AKT3: variants seen among roughly 807,000 people sequenced by gnomAD.
AKT3 encodes AKT serine/threonine kinase 3.
Under a neutral mutation model 65.3 loss-of-function variants are expected in AKT3, and 15 were observed. The ratio of observed to expected loss-of-function variants is 0.23; its 90% CI spans 0.15 to 0.35. The LOEUF is 0.35. Among genes scored for constraint, AKT3 ranks in the 10% least tolerant of loss-of-function variants. The pLI, the probability that AKT3 is intolerant of heterozygous loss-of-function variation, is 1.00. For missense variants in AKT3, 243 were observed against 576.5 expected, an observed-to-expected ratio of 0.42 and a Z score of 5.92; for synonymous variants, 206 against 183.8, an observed-to-expected ratio of 1.12 and a Z score of -0.98.
Position 243,503,859 on chromosome 1 carries a change from A to T in AKT3, c.*1390T>A, listed in dbSNP as rs534699374. On this transcript the variant is annotated 3_prime_UTR_variant, in exon 14 of 14. Coordinates refer to ENST00000673466, the MANE Select transcript of AKT3 (RefSeq NM_005465.7). Reference sequence around the variant, plus strand: ...TTTTGCCACGTAAAGATCATTTCTTATCTTCACTCAGGTCTCAATTTTCTT... The same window carrying T: ...TTTTGCCACGTAAAGATCATTTCTTTTCTTCACTCAGGTCTCAATTTTCTT... The T allele has an allele frequency of 1.0e-3, 232 of 229,144 alleles. 1 individual carries two copies. Among genetic ancestry groups the T allele is most frequent in the African/African-American group, 4.9e-3 (221 of 45,238 alleles). 14.2% of individuals were successfully genotyped at this position (229,144 alleles called of 1,614,324 possible).
At chr1:243,779,242 C>A (rs996623236) in intron 2 of AKT3, among the ~76,000 whole-genome samples, 6 of 152,054 alleles carry the variant, frequency 3.9e-5, no homozygotes, top group Non-Finnish European at 7.4e-5. Context: ...CCTAAGTTTA[C>A]CTATAGGATC....
chr1:243,752,180 A>C (rs1011428578), intron 2 of AKT3, among the ~76,000 whole-genome samples: 2 of 152,230 alleles, frequency 1.3e-5, no homozygotes, highest in African/African-American at 4.8e-5. Flanking sequence ...TAACTAAGAA[A>C]AAAATTTTTA....
intron 6 of AKT3, among the ~76,000 whole-genome samples, chr1:243,635,523 A>C (rs950180108): frequency 2.0e-5 from 3 of 152,006 alleles, no homozygotes; most frequent in Non-Finnish European, 4.4e-5. Flanking sequence ...CTTAACTAAG[A>C]ATAAATGTAT....
At position 243,504,009 on chromosome 1, in the gene AKT3, G is replaced by A; in HGVS notation, c.*1240C>T. ...GGGATTTTCTCATTTTCAGTACCAA[G>A]GGGTTAAATGGCAGCATCTCTTCTC... On this transcript the variant is annotated 3_prime_UTR_variant, in exon 14 of 14. Coordinates refer to ENST00000673466, the MANE Select transcript of AKT3 (RefSeq NM_005465.7). 1 of 225,158 alleles carries A rather than the reference G, an allele frequency of 4.4e-6. No individual in the cohort carries two copies. Among genetic ancestry groups the A allele is most frequent in the Non-Finnish European group, 8.9e-6 (1 of 112,644 alleles). 13.9% of individuals were successfully genotyped at this position (225,158 alleles called of 1,614,324 possible). A position where few individuals can be genotyped will look rare whatever the true frequency, so the allele number is the denominator to read the frequency against.
intron 2 of AKT3, among the ~76,000 whole-genome samples, chr1:243,818,930 C>G (rs1046634431): frequency 6.6e-6 from 1 of 152,222 alleles, no homozygotes; most frequent in African/African-American, 2.4e-5. Context: ...GAAAGGGGAG[C>G]TCCCACCCTC....
At chr1:243,539,322 TATG>T (rs1185150658) in intron 12 of AKT3, among the ~76,000 whole-genome samples, 2 of 152,160 alleles carry the variant, frequency 1.3e-5, no homozygotes, top group Non-Finnish European at 2.9e-5. Flanking sequence ...TCCTCTTCCT[TATG>T]ATTTTATTAA....
At chr1:243,817,296 T>C (rs1001364989) in intron 2 of AKT3, among the ~76,000 whole-genome samples, 2 of 152,132 alleles carry the variant, frequency 1.3e-5, no homozygotes, top group African/African-American at 2.4e-5. Flanking sequence ...TTTAAGGCAA[T>C]AAACATTGGG....
At chr1:243,510,220 C>T (rs543107878) in intron 13 of AKT3, among the ~76,000 whole-genome samples, 68 of 152,274 alleles carry the variant, frequency 4.5e-4, no homozygotes, top group Non-Finnish European at 7.4e-4. Flanking sequence ...GCCTGGGTGT[C>T]CTCCCGGCTC....
intron 12 of AKT3, among the ~76,000 whole-genome samples, chr1:243,524,438 T>C (rs1670917789): frequency 2.0e-5 from 3 of 152,142 alleles, no homozygotes; most frequent in Admixed American, 6.5e-5. Context: ...TAAAAGGCAT[T>C]GTCAAAAGGT....
intron 13 of AKT3, among the ~76,000 whole-genome samples, chr1:243,489,367 C>G (rs953508209): frequency 6.6e-6 from 1 of 152,200 alleles, no homozygotes; most frequent in Non-Finnish European, 1.5e-5. Flanking sequence ...CAGACCCCGG[C>G]CCGCGAATCA....
chr1:243,780,164 T>C (rs1406493589), intron 2 of AKT3, among the ~76,000 whole-genome samples: 4 of 152,004 alleles, frequency 2.6e-5, no homozygotes, highest in Non-Finnish European at 5.9e-5. Flanking sequence ...CTATTAATTA[T>C]AAAGAAGGAA....
chr1:243,580,508 G>A (rs967827568), intron 8 of AKT3, among the ~76,000 whole-genome samples: 1 of 152,180 alleles, frequency 6.6e-6, no homozygotes, highest in African/African-American at 2.4e-5. Flanking sequence ...GGCTGCACAG[G>A]CATGTCAGTC....
At position 243,714,596 on chromosome 1, in the gene AKT3, A is replaced by G. The variant is rs567938972; in HGVS notation, c.47-18880T>C. Among the ~76,000 whole-genome samples the G allele has an allele frequency of 4.6e-4, 70 of 152,308 alleles. No homozygotes were observed. In the South Asian group the frequency reaches 0.014, roughly 30 times the overall value. On this transcript the variant is annotated intron_variant, in intron 2 of 13. Transcript: ENST00000673466. ...CTAGATGCAAGAGAAATTTCCTTGC[A>G]TATGTCCTAAAAATTTTAGGAAAAG...
rs182454321 is a variant in AKT3, at chr1:243,698,675, T to G, written c.47-2959A>C. Reference sequence around the variant, plus strand: ...GTACTCACTCACATAGAAGAAAAATTTTAAAGAATTTCCCTTCTTCCTTAA... The same window carrying G: ...GTACTCACTCACATAGAAGAAAAATGTTAAAGAATTTCCCTTCTTCCTTAA... On this transcript the variant is annotated intron_variant, in intron 2 of 13. Coordinates refer to ENST00000673466, the MANE Select transcript of AKT3 (RefSeq NM_005465.7). 1.3e-4 allele frequency among the ~76,000 whole-genome samples: 20 copies of G among 152,150 alleles called. No homozygotes were observed. In the East Asian group the frequency reaches 3.5e-3, roughly 26 times the overall value.
chr1:243,714,250 G>A (rs1169702572), intron 2 of AKT3, among the ~76,000 whole-genome samples: 1 of 152,160 alleles, frequency 6.6e-6, no homozygotes, highest in Admixed American at 6.6e-5. Context: ...TAAGTTGTGT[G>A]TAATTAGCAA....
At chr1:243,572,271 A>G (rs146400987) in intron 9 of AKT3, among the ~76,000 whole-genome samples, 3 of 152,312 alleles carry the variant, frequency 2.0e-5, no homozygotes, top group Non-Finnish European at 4.4e-5. Flanking sequence ...ATTCATTTAC[A>G]TACTATCTGA....
intron 2 of AKT3, chr1:243,808,358 A>G (rs1692890158): frequency 6.6e-6 from 1 of 152,234 alleles, no homozygotes; most frequent in Non-Finnish European, 1.5e-5. Context: ...GCTGAAAACC[A>G]TGGCACGAGA....
At chr1:243,651,446 G>A (rs574270890) in intron 4 of AKT3, among the ~76,000 whole-genome samples, 52 of 152,298 alleles carry the variant, frequency 3.4e-4, no homozygotes, top group Non-Finnish European at 4.7e-4. Context: ...TAGGAGTGGT[G>A]AGAGGGGGCA....
intron 9 of AKT3, among the ~76,000 whole-genome samples, chr1:243,569,068 C>T (rs1674373129): frequency 6.6e-6 from 1 of 152,096 alleles, no homozygotes; most frequent in African/African-American, 2.4e-5. Context: ...CATTTTAGCC[C>T]ACATACATCA....
Sources: allele counts gnomAD v4.1 joint callset (sites outside exome capture counted in the v4.1 genomes callset), GRCh38; gene constraint gnomAD v4.1.1; transcripts MANE v1.5; gene names NCBI Gene and HGNC (gene_info 2026-07-23, HGNC 2026-07-21).